DUSP29: variants seen among roughly 807,000 people sequenced by gnomAD.
The protein encoded by DUSP29 is dual specificity phosphatase 29.
Under a neutral mutation model 13.5 loss-of-function variants are expected in DUSP29, and 12 were observed. The observed-to-expected ratio is 0.89, with a 90% confidence interval of 0.57 to 1.44. DUSP29 has a LOEUF of 1.44. Among genes scored for constraint, DUSP29 ranks in the 40% most tolerant of loss-of-function variants. The probability of loss-of-function intolerance (pLI) is 0.00; values close to 1 mark genes in which losing one functional copy is unlikely to be tolerated. For synonymous variants in DUSP29, 134 were observed against 128.7 expected (o/e 1.04, Z -0.28); for missense variants, 308 against 301.1 (o/e 1.02, Z -0.17).
chr10:75,056,972 A>T (rs1042823023), intron 2 of DUSP29, among the ~76,000 whole-genome samples: 1 of 152,204 alleles, frequency 6.6e-6, no homozygotes, highest in Non-Finnish European at 1.5e-5. Context: ...AAGCAGCAAG[A>T]TATGTATTAA....
chr10:75,064,418 G>C (rs1215621777), intron 1 of DUSP29, among the ~76,000 whole-genome samples: 1 of 152,216 alleles, frequency 6.6e-6, no homozygotes, highest in Non-Finnish European at 1.5e-5. Flanking sequence ...TGAGGCAGGA[G>C]AATTGCTTGA....
chr10:75,049,709 G>C (rs190057947), intron 2 of DUSP29, among the ~76,000 whole-genome samples: 180 of 152,368 alleles, frequency 1.2e-3, no homozygotes, highest in African/African-American at 4.2e-3. Context: ...GGTGCCTTAA[G>C]GCGGAATTAG....
In DUSP29 at chr10:75,043,987, C is replaced by G. The variant is rs1309543525; in HGVS notation, c.231G>C (p.Gln77His). The G allele has an allele frequency of 6.2e-7, 1 of 1,612,516 alleles. No individual in the cohort carries two copies. The highest frequency in any genetic ancestry group is 1.3e-5 in the African/African-American group (1 of 75,030). Residue 77 changes from glutamine to histidine, a missense_variant, in exon 3 of 4, where the codon CAG (glutamine) becomes CAC (histidine). Physicochemically the swap from Gln to His is conservative, Grantham distance 24 (BLOSUM62 0). Coordinates refer to ENST00000338487, the MANE Select transcript of DUSP29 (RefSeq NM_001003892.3). ...EATALDRYRL[Q>H]KAGFTHVLNA... Reference sequence around the variant, plus strand: ...TCAGCACGTGCGTGAACCCCGCCTTCTGCAGCCTATAGCGGTCCAGCGCCG... The same window carrying G: ...TCAGCACGTGCGTGAACCCCGCCTTGTGCAGCCTATAGCGGTCCAGCGCCG...
At chr10:75,044,491 G>A (rs1202015362) in intron 2 of DUSP29, among the ~76,000 whole-genome samples, 3 of 152,186 alleles carry the variant, frequency 2.0e-5, no homozygotes, top group African/African-American at 7.2e-5. Context: ...TAAGAGGATT[G>A]GATTGGGATT....
Position 75,038,084 on chromosome 10 carries a change from A to T in DUSP29, c.422-7T>A. 1 of 1,611,108 alleles carries T rather than the reference A, an allele frequency of 6.2e-7. No homozygotes were observed. The highest frequency in any genetic ancestry group is 8.5e-7 in the Non-Finnish European group (1 of 1,178,316). ...CAGTGAACCAGGATCTTACCTGCAG[A>T]TGGAGCAGGGAGGAGAAAACCCACA... is the stretch of plus-strand genomic sequence containing the variant. On this transcript the variant is annotated splice_polypyrimidine_tract_variant and splice_region_variant and intron_variant, in intron 3 of 3. Transcript: ENST00000338487.
chr10:75,040,691 A>T (rs1846562331), intron 3 of DUSP29, among the ~76,000 whole-genome samples: 1 of 152,220 alleles, frequency 6.6e-6, no homozygotes, highest in Admixed American at 6.5e-5. Context: ...CCCCGCTGGT[A>T]GGCAGGTGTC....
intron 1 of DUSP29, among the ~76,000 whole-genome samples, chr10:75,065,619 G>A (rs993971295): frequency 4.0e-5 from 6 of 151,898 alleles, no homozygotes; most frequent in East Asian, 1.9e-4. Flanking sequence ...ATGAGCCACC[G>A]CGCCCAGCCA....
intron 1 of DUSP29, among the ~76,000 whole-genome samples, chr10:75,065,140 T>C (rs879608477): frequency 6.6e-6 from 1 of 152,098 alleles, no homozygotes; most frequent in Non-Finnish European, 1.5e-5. Context: ...GAGCTAAAGC[T>C]AGAGGGGCAA....
chr10:75,054,712 A>G (rs1442311154), intron 2 of DUSP29, among the ~76,000 whole-genome samples: 1 of 152,164 alleles, frequency 6.6e-6, no homozygotes, highest in Non-Finnish European at 1.5e-5. Context: ...AGCACTTCCT[A>G]TGTACTAGGC....
chr10:75,053,281 C>T (rs1323752977), intron 2 of DUSP29, among the ~76,000 whole-genome samples: 1 of 152,194 alleles, frequency 6.6e-6, no homozygotes, highest in Non-Finnish European at 1.5e-5. Context: ...GCTTTTCTCA[C>T]CTCTGTAGCT....
At position 75,037,888 on chromosome 10, in the gene DUSP29, C is replaced by T. The variant is rs1011959323; in HGVS notation, c.611G>A (p.Arg204Lys). The change falls in exon 4 of 4, where the codon AGG becomes AAG. Residue 204 changes from arginine (R) to lysine (K), a missense_variant. Coordinates refer to ENST00000338487, the MANE Select transcript of DUSP29 (RefSeq NM_001003892.3). ...ACCGTCCTGGCGCTGGGACCGTCGCCTCTGCTGCACCAGCTGCTTGTCCAG... is the reference window on the plus strand; with the variant it reads ...ACCGTCCTGGCGCTGGGACCGTCGCTTCTGCTGCACCAGCTGCTTGTCCAG... The part of the protein sequence containing the change: ...RELDKQLVQQ[R>K]RRSQRQDGEE... The T allele has an allele frequency of 6.2e-7, 1 of 1,613,106 alleles. No individual in the cohort carries two copies. The highest frequency in any genetic ancestry group is 1.3e-5 in the African/African-American group (1 of 74,942).
At chr10:75,069,560 C>T (rs568521746) in intron 1 of DUSP29, among the ~76,000 whole-genome samples, 6 of 152,292 alleles carry the variant, frequency 3.9e-5, no homozygotes, top group East Asian at 3.9e-4. Context: ...GCCACTTATT[C>T]GTCACTGGTC....
Position 75,038,520 on chromosome 10 carries a change from T to A in DUSP29, c.422-443A>T, listed in dbSNP as rs562545086. Among the ~76,000 whole-genome samples, 45 of 152,302 alleles carry A rather than the reference T, an allele frequency of 3.0e-4. 1 individual carries two copies. In the South Asian group the frequency reaches 9.3e-3, roughly 32 times the overall value. Reference sequence around the variant, plus strand: ...GGCATTCAAATCCCACGGACCTTTCTGGAGGCTGCCGGGCCTCTGGCCAGC... The same window carrying A: ...GGCATTCAAATCCCACGGACCTTTCAGGAGGCTGCCGGGCCTCTGGCCAGC... On this transcript the variant is annotated intron_variant, in intron 3 of 3. Transcript: ENST00000338487.
chr10:75,061,966 G>A (rs1193488781), intron 1 of DUSP29, among the ~76,000 whole-genome samples: 1 of 152,220 alleles, frequency 6.6e-6, no homozygotes, highest in Non-Finnish European at 1.5e-5. Flanking sequence ...ATTTGGAGGA[G>A]GGAGAAGGTG....
chr10:75,047,422 T>C lies in DUSP29; in HGVS notation c.201-3405A>G, dbSNP rs372220626. Reference sequence around the variant, plus strand: ...AGCAATTATTGGGAGTGGGGCAGGCTCAGAGGGTGGTGTCTGACACTAGAT... The same window carrying C: ...AGCAATTATTGGGAGTGGGGCAGGCCCAGAGGGTGGTGTCTGACACTAGAT... On this transcript the variant is annotated intron_variant, in intron 2 of 3. Coordinates refer to ENST00000338487, the MANE Select transcript of DUSP29 (RefSeq NM_001003892.3). Among the ~76,000 whole-genome samples, 5 of 152,224 alleles carry C rather than the reference T, an allele frequency of 3.3e-5. No homozygotes were observed. The South Asian group carries it at 1.0e-3, about 32-fold the overall frequency.
Position 75,037,909 on chromosome 10 carries a change from T to G in DUSP29, c.590A>C (p.Asp197Ala). The change falls in exon 4 of 4, where the codon GAC (aspartate) becomes GCC (alanine). Residue 197 changes from aspartate (D) to alanine (A), a missense_variant. Asp to Ala is a moderately radical substitution (Grantham distance 126). Coordinates refer to ENST00000338487, the MANE Select transcript of DUSP29 (RefSeq NM_001003892.3). The stretch of plus-strand genomic sequence containing the variant: ...TCGCCTCTGCTGCACCAGCTGCTTG[T>G]CCAGCTCCCGGAGCTGCTTCAAAAA... ...RGFLKQLRELDKQLVQQRRRS... is the reference protein window; with the variant it reads ...RGFLKQLRELAKQLVQQRRRS... The G allele has an allele frequency of 6.2e-7, 1 of 1,613,736 alleles. No homozygotes were observed. Among genetic ancestry groups the G allele is most frequent in the South Asian group, 1.1e-5 (1 of 91,076 alleles).
chr10:75,043,287 G>A (rs1310449297), intron 3 of DUSP29, among the ~76,000 whole-genome samples: 2 of 152,226 alleles, frequency 1.3e-5, no homozygotes, highest in Admixed American at 1.3e-4. Flanking sequence ...TCAGCTCCCT[G>A]AGGGTTTTCT....
At position 75,073,579 on chromosome 10, in the gene DUSP29, C is replaced by T. The variant is rs756667707; in HGVS notation, c.-45G>A. Among the ~76,000 whole-genome samples the T allele has an allele frequency of 1.4e-4, 21 of 152,184 alleles. No homozygotes were observed. The highest frequency in any genetic ancestry group is 6.2e-4 in the South Asian group (3 of 4,828). ...ACCCAGCGGCCTTACCTGGGTGTGC[C>T]GGGGCCTGGCCGCGTCGGGAGGTTC... On this transcript the variant is annotated 5_prime_UTR_variant, in exon 1 of 4. Transcript: ENST00000338487.
chr10:75,068,294 G>T (rs1482354721), intron 1 of DUSP29, among the ~76,000 whole-genome samples: 2 of 152,094 alleles, frequency 1.3e-5, no homozygotes, highest in East Asian at 3.9e-4. Context: ...AACATGATGA[G>T]ACTCCCATTT....
Sources: gnomAD v4.1 joint callset for allele counts (sites outside exome capture counted in the v4.1 genomes callset) on GRCh38, gnomAD v4.1.1 for gene constraint, MANE v1.5 for transcripts, NCBI Gene and HGNC (gene_info 2026-07-23, HGNC 2026-07-21) for gene names.